TSPAN1: variants seen among roughly 807,000 people sequenced by gnomAD.
TSPAN1 encodes the protein tetraspanin-1.
Under a neutral mutation model 26.9 loss-of-function variants are expected in TSPAN1, and 23 were observed. That is an observed-to-expected ratio of 0.85 (90% CI 0.62 to 1.21). The LOEUF is 1.21. Among genes scored for constraint, TSPAN1 ranks in the 50% most tolerant of loss-of-function variants. The pLI is 0.00. For missense variants in TSPAN1, 283 were observed against 298.4 expected (o/e 0.95, Z 0.38); for synonymous variants, 115 against 114.8 (o/e 1.00, Z -0.01).
At chr1:46,192,568 G>C in the TSPAN1 span, 1 of 1,614,128 alleles carries the variant, frequency 6.2e-7, no homozygotes, top group Non-Finnish European at 8.5e-7. Flanking sequence ...TCCTCCAGTA[G>C]GTGGATGGAT....
chr1:46,194,146 G>A, the TSPAN1 span: 44 of 1,570,264 alleles, frequency 2.8e-5, no homozygotes, highest in Middle Eastern at 4.0e-4. Flanking sequence ...CTTTCAGAGC[G>A]CAGTGTAAAT....
rs752839000 is a variant in TSPAN1, at chr1:46,184,383, T to C, written c.250T>C (p.Cys84Arg). The change falls in exon 4 of 9, where the codon TGT (cysteine) becomes CGT (arginine). Residue 84 changes from cysteine to arginine, a missense_variant. Transcript: ENST00000372003. ...CTATGGTGCTAAGACTGAGAGCAAG[T>C]GTGCCCTCGTGACGGTGTGTGAAAC... is the stretch of plus-strand genomic sequence containing the variant. ...GCYGAKTESK[C>R]ALVTFFFILL... is the part of the protein sequence containing the mutation. 9.3e-6 allele frequency: 15 copies of C among 1,614,112 alleles called. No homozygotes were observed. The highest frequency in any genetic ancestry group is 1.2e-5 in the Non-Finnish European group (14 of 1,179,992).
At chr1:46,179,993 G>GTGTGTGTGTGTGTGTT (rs1657278071) in intron 1 of TSPAN1, among the ~76,000 whole-genome samples, 3 of 151,952 alleles carry the variant, frequency 2.0e-5, no homozygotes, top group African/African-American at 7.2e-5. Context: ...GTGTGTTTGT[G>GTGTGTGTGTGTGTGTT]TGTGTGTGTG....
At chr1:46,178,373 C>T (rs1223770291) in intron 1 of TSPAN1, among the ~76,000 whole-genome samples, 1 of 149,978 alleles carries the variant, frequency 6.7e-6, no homozygotes, top group African/African-American at 2.4e-5. Context: ...AAAAAATAGA[C>T]CTTCTCCTTC....
chr1:46,178,144 G>A (rs1054333274), intron 1 of TSPAN1, among the ~76,000 whole-genome samples: 2 of 152,128 alleles, frequency 1.3e-5, no homozygotes, highest in Non-Finnish European at 1.5e-5. Context: ...ATGACTTGAG[G>A]TCAGGAGCTC....
chr1:46,196,177 C>T, the TSPAN1 span: 1 of 1,585,238 alleles, frequency 6.3e-7, no homozygotes, highest in Non-Finnish European at 8.6e-7. The surrounding 1 kb of genome is among the most constrained non-coding windows in gnomAD (Gnocchi z 4.4). Context: ...AACATCACCT[C>T]CTGCCTATGT....
chr1:46,190,782 C>T, downstream of TSPAN1: 1 of 1,612,468 alleles, frequency 6.2e-7, no homozygotes, highest in Non-Finnish European at 8.5e-7. Context: ...TGAAGTAGGC[C>T]TCCTGGAGTG....
downstream of TSPAN1, chr1:46,189,220 C>A: frequency 6.3e-7 from 1 of 1,576,702 alleles, no homozygotes; most frequent in Non-Finnish European, 8.6e-7. Context: ...GAAGGGCTAG[C>A]CAGCCTGGGG....
intron 1 of TSPAN1, among the ~76,000 whole-genome samples, chr1:46,179,887 C>T (rs1023746357): frequency 1.1e-4 from 17 of 152,152 alleles, no homozygotes; most frequent in African/African-American, 4.1e-4. Flanking sequence ...ATTTGCTACT[C>T]GCAGGAGAGA....
chr1:46,186,651 G>A (rs1490517697), downstream of TSPAN1, among the ~76,000 whole-genome samples: 6 of 144,610 alleles, frequency 4.1e-5, no homozygotes, highest in African/African-American at 1.0e-4. Context: ...CACCATGCCC[G>A]GCTAATTTTT....
Position 46,184,184 on chromosome 1 carries a change from T to C in TSPAN1, c.58-7T>C, listed in dbSNP as rs201076923. On this transcript the variant is annotated splice_region_variant and splice_polypyrimidine_tract_variant and intron_variant, in intron 3 of 8. Transcript: ENST00000372003. ...GTTTAAGGCCTGCCTGACCTCTCTC[T>C]CCCCAGCTGTGTGGTGCAGCCCTGT... is the stretch of plus-strand genomic sequence containing the variant. 11 of 1,614,020 alleles carry C rather than the reference T, an allele frequency of 6.8e-6. No homozygotes were observed. The highest frequency in any genetic ancestry group is 1.7e-5 in the Admixed American group (1 of 60,012).
intron 3 of TSPAN1, chr1:46,183,647 A>C (rs115741661): frequency 0.011 from 1,787 of 169,470 alleles, 34 homozygotes; most frequent in African/African-American, 0.04. Context: ...GGCGGGCCTG[A>C]AGTTGGATTC....
downstream of TSPAN1, chr1:46,186,042 C>G (rs1199017162): frequency 6.1e-6 from 1 of 163,498 alleles, no homozygotes; most frequent in African/African-American, 2.4e-5. Context: ...TCAGAAGGCC[C>G]TGGAAAGGAG....
chr1:46,178,344 G>A (rs1657232583), intron 1 of TSPAN1, among the ~76,000 whole-genome samples: 1 of 143,194 alleles, frequency 7.0e-6, no homozygotes, highest in Non-Finnish European at 1.5e-5. Context: ...GCAACAGAGT[G>A]AGATTCTGTC....
chr1:46,176,027 C>T (rs781035560), intron 1 of TSPAN1, among the ~76,000 whole-genome samples: 18 of 152,320 alleles, frequency 1.2e-4, no homozygotes, highest in Middle Eastern at 3.4e-3. Context: ...CGTGTGCCAC[C>T]ACGCCCGGCT....
chr1:46,181,488 G>T (rs564323680), intron 3 of TSPAN1, among the ~76,000 whole-genome samples: 1 of 152,330 alleles, frequency 6.6e-6, no homozygotes, highest in Non-Finnish European at 1.5e-5. Context: ...GGCACTGGGG[G>T]CCCAGAAAAT....
chr1:46,192,696 G>A, the TSPAN1 span: 2 of 1,600,006 alleles, frequency 1.3e-6, no homozygotes, highest in Non-Finnish European at 1.7e-6. Flanking sequence ...CTCCTTCCTG[G>A]AGTACCTCCT....
At chr1:46,191,779 C>T in the TSPAN1 span, 5 of 358,128 alleles carry the variant, frequency 1.4e-5, no homozygotes, top group African/African-American at 6.4e-5. Context: ...GGACTACAGG[C>T]GCCCATCACC....
chr1:46,194,367 G>A, the TSPAN1 span: 1 of 1,614,224 alleles, frequency 6.2e-7, no homozygotes, highest in South Asian at 1.1e-5. Flanking sequence ...GGCGGCGACG[G>A]TTCAGCTCTG....
Sources: allele counts gnomAD v4.1 joint callset (sites outside exome capture counted in the v4.1 genomes callset), GRCh38; gene constraint gnomAD v4.1.1; non-coding constraint Gnocchi (gnomAD v3.1); transcripts MANE v1.5; gene names NCBI Gene and HGNC (gene_info 2026-07-23, HGNC 2026-07-21).